The following FBN3 variants were observed in gnomAD, a reference collection of about 807,000 sequenced individuals.
FBN3 encodes the protein fibrillin-3.
FBN3 carries 234 observed loss-of-function variants against 330.1 expected under a neutral mutation model. That is an observed-to-expected ratio of 0.71 (90% CI 0.64 to 0.79). FBN3 has a LOEUF of 0.79. FBN3 is among the 30% of genes least tolerant of loss of function. The pLI, the probability that FBN3 is intolerant of heterozygous loss-of-function variation, is 0.00. For synonymous variants in FBN3, 1,458 were observed against 1,517.3 expected, an observed-to-expected ratio of 0.96 and a Z score of 0.91; for missense variants, 3,606 against 3,886.9, an observed-to-expected ratio of 0.93 and a Z score of 1.92.
rs987361284 is a variant in FBN3, at chr19:8,129,845, C to A, written c.2045-480G>T. Among the ~76,000 whole-genome samples the A allele has an allele frequency of 2.6e-5, 4 of 151,752 alleles. No homozygotes were observed. Among genetic ancestry groups the A allele is most frequent in the African/African-American group, 9.7e-5 (4 of 41,298 alleles). On this transcript the variant is annotated intron_variant, in intron 16 of 63. Coordinates refer to ENST00000600128, the MANE Select transcript of FBN3 (RefSeq NM_032447.5). This position sits in a 1 kb window ranked among gnomAD's most constrained non-coding sequence, Gnocchi z 4.5. Reference sequence around the variant, plus strand: ...GGCTGAGGTGGGAGGATTGCTTGAGCCCAGGAGTTTGAGACCAGCCTGGGC... The same window carrying A: ...GGCTGAGGTGGGAGGATTGCTTGAGACCAGGAGTTTGAGACCAGCCTGGGC...
intron 7 of FBN3, 34 bp from the exon 8 acceptor site, chr19:8,141,876 G>A (rs771371992): frequency 5.0e-6 from 8 of 1,612,654 alleles, no homozygotes; most frequent in African/African-American, 1.3e-5. Context: ...GGAGTGAGAG[G>A]CCCATCGGAG....
Position 8,096,598 on chromosome 19 carries a change from A to G in FBN3, c.5414-29T>C, listed in dbSNP as rs1568388057. On this transcript the variant is annotated intron_variant, in intron 43 of 63. Coordinates refer to ENST00000600128, the MANE Select transcript of FBN3 (RefSeq NM_032447.5). This position sits in a 1 kb window ranked among gnomAD's most constrained non-coding sequence, Gnocchi z 4.6. ...GGGGTGCAGAGAGCATGGTGTTCCC[A>G]GGGCTCCTACCACAGTGTTTGCCTG... 6.3e-7 allele frequency: 1 copy of G among 1,588,530 alleles called. No individual in the cohort carries two copies. Among genetic ancestry groups the G allele is most frequent in the African/African-American group, 1.3e-5 (1 of 74,736 alleles).
At chr19:8,094,650 G>C in intron 46 of FBN3, 85 bp from the exon 47 acceptor site, 1 of 1,474,938 alleles carries the variant, frequency 6.8e-7, no homozygotes, top group Non-Finnish European at 9.2e-7. Flanking sequence ...TGCAATCACT[G>C]TGTGATCACT....
intron 13 of FBN3, 25 bp downstream of exon 13, chr19:8,135,936 G>GTGCCCCCCCC: frequency 1.5e-6 from 1 of 668,778 alleles, no homozygotes; most frequent in Non-Finnish European, 2.4e-6. Flanking sequence ...GGAAGCCCCT[G>GTGCCCCCCCC]CCCACCCGCC....
chr19:8,111,112 G>T lies in FBN3; in HGVS notation c.4156C>A (p.Arg1386Ser). 6.2e-7 allele frequency: 1 copy of T among 1,613,592 alleles called. No individual in the cohort carries two copies. Among genetic ancestry groups the T allele is most frequent in the Non-Finnish European group, 8.5e-7 (1 of 1,179,724 alleles). The change falls in exon 33 of 64, where the codon CGC becomes AGC. Residue 1386 changes from arginine (R) to serine (S), a missense_variant. By Grantham distance (110) the Arg-to-Ser change is moderately radical (BLOSUM62 -1). Transcript: ENST00000600128. ...GQCLNAPGGY[R>S]CECEMGFDPT... Reference sequence around the variant, plus strand: ...TCAAAGCCCATCTCACATTCACAGCGGTACCCGCCGGGCGCATTGAGGCAC... The same window carrying T: ...TCAAAGCCCATCTCACATTCACAGCTGTACCCGCCGGGCGCATTGAGGCAC...
At chr19:8,127,061 T>TGG (rs2083010766) in intron 18 of FBN3, among the ~76,000 whole-genome samples, 2 of 73,582 alleles carry the variant, frequency 2.7e-5, no homozygotes, top group African/African-American at 3.5e-5. Context: ...TTTTTTTTGT[T>TGG]TTTTTTTTTT....
At chr19:8,072,478 AG>A (rs1293188278) in intron 62 of FBN3, among the ~76,000 whole-genome samples, 5 of 152,120 alleles carry the variant, frequency 3.3e-5, no homozygotes, top group African/African-American at 1.2e-4. Flanking sequence ...GAGCATACCC[AG>A]GGGCATGTGC....
At chr19:8,136,630 G>T in intron 10 of FBN3, 99 bp from the exon 11 acceptor site, 2 of 1,496,868 alleles carry the variant, frequency 1.3e-6, no homozygotes, top group Non-Finnish European at 1.8e-6. Context: ...CCCCTCTAAG[G>T]CTGGGACCCT....
In FBN3 at chr19:8,129,517, CGAGGTTTCT is replaced by C; in HGVS notation, c.2045-161_2045-153del. 9.8e-7 allele frequency: 1 copy of C among 1,023,852 alleles called. No individual in the cohort carries two copies. Among genetic ancestry groups the C allele is most frequent in the Non-Finnish European group, 1.4e-6 (1 of 712,394 alleles). 63.4% of individuals were successfully genotyped at this position (1,023,852 alleles called of 1,614,324 possible). On this transcript the variant is annotated intron_variant, in intron 16 of 63. Coordinates refer to ENST00000600128, the MANE Select transcript of FBN3 (RefSeq NM_032447.5). The surrounding 1 kb of genome is among the most constrained non-coding windows in gnomAD (Gnocchi z 4.5). ...GACCCGGCCTCATTCTGCTCTAAAC[CGAGGTTTCT>C]CAGCCTGGACACTGCTGACATTTGG...
intron 2 of FBN3, 39 bp from the exon 3 acceptor site, chr19:8,147,225 C>A (rs754098141): frequency 1.9e-6 from 3 of 1,557,510 alleles, no homozygotes; most frequent in Non-Finnish European, 1.7e-6. Context: ...AGCCCCTGCC[C>A]GTGTGGACAT....
At chr19:8,123,417 C>G (rs377459105) in intron 24 of FBN3, 47 bp downstream of exon 24, 3 of 1,595,376 alleles carry the variant, frequency 1.9e-6, no homozygotes, top group East Asian at 2.3e-5. Flanking sequence ...AGGCCCCTAT[C>G]CCTGCCAAGG....
rs115944603 is a variant in FBN3, at chr19:8,146,155, C to T, written c.321G>A (p.Thr107=). ...GGCTCACCCCGCAGCTGGGAGCCAG[C>T]GTCCCATCCGCACAGGTGCACAGGT... The part of the protein sequence containing the change: ...QPNLCTCADG[T]LAPSCGVSRG... The change falls in exon 4 of 64, where the codon ACG becomes ACA. Residue 107 remains threonine (T), a synonymous_variant. Coordinates refer to ENST00000600128, the MANE Select transcript of FBN3 (RefSeq NM_032447.5). 1.1e-3 allele frequency: 1,707 copies of T among 1,601,070 alleles called. 18 individuals carry two copies. In the African/African-American group the frequency reaches 0.021, roughly 20 times the overall value.
chr19:8,109,802 C>T lies in FBN3; in HGVS notation c.4334-49G>A. 6.9e-7 allele frequency: 1 copy of T among 1,445,622 alleles called. No homozygotes were observed. Among genetic ancestry groups the T allele is most frequent in the Non-Finnish European group, 9.1e-7 (1 of 1,098,402 alleles). The allele number at this position is 1,445,622 out of a possible 1,614,324, so 89.5% of individuals were successfully genotyped here. Reference sequence around the variant, plus strand: ...CAGCAGGGAGCCCCTTCCTCGGCCCCCCTCCCTCCTAGCTTCATCCTGGGA... The same window carrying T: ...CAGCAGGGAGCCCCTTCCTCGGCCCTCCTCCCTCCTAGCTTCATCCTGGGA... On this transcript the variant is annotated intron_variant, in intron 34 of 63. Transcript: ENST00000600128. This position sits in a 1 kb window ranked among gnomAD's most constrained non-coding sequence, Gnocchi z 5.2.
chr19:8,110,998 C>T, intron 33 of FBN3, 31 bp from the exon 34 acceptor site: 1 of 1,614,168 alleles, frequency 6.2e-7, no homozygotes, highest in Admixed American at 1.7e-5. Flanking sequence ...CCTGCCCCAC[C>T]CAGAGTCTGC....
At position 8,097,417 on chromosome 19, in the gene FBN3, G is replaced by A; in HGVS notation, c.5162-3C>T. 2 of 1,582,866 alleles carry A rather than the reference G, an allele frequency of 1.3e-6. No homozygotes were observed. Among genetic ancestry groups the A allele is most frequent in the Non-Finnish European group, 1.7e-6 (2 of 1,154,628 alleles). On this transcript the variant is annotated splice_polypyrimidine_tract_variant and splice_region_variant and intron_variant, in intron 41 of 63. Transcript: ENST00000600128. ...GATCTCCCCACACTCATCAATGTCT[G>A]CAGAAGGCATCTGCCATCAGGGGCA...
chr19:8,133,820 G>A (rs1387145877), intron 13 of FBN3, among the ~76,000 whole-genome samples: 3 of 151,986 alleles, frequency 2.0e-5, no homozygotes, highest in African/African-American at 7.3e-5. Flanking sequence ...AAAAGGAAAT[G>A]GAAATAAAGT....
chr19:8,145,025 G>A (rs2083500870), intron 5 of FBN3, 53 bp from the exon 6 acceptor site: 2 of 1,473,994 alleles, frequency 1.4e-6, no homozygotes, highest in African/African-American at 1.4e-5. Context: ...AGAGAGAGCT[G>A]GGGTTCACAG....
intron 47 of FBN3, among the ~76,000 whole-genome samples, chr19:8,092,365 C>T (rs991216029): frequency 3.9e-5 from 6 of 151,954 alleles, no homozygotes; most frequent in East Asian, 2.0e-4. Flanking sequence ...CATCAGCCAA[C>T]GAGTAGATAA....
chr19:8,126,570 C>G lies in FBN3; in HGVS notation c.2452G>C (p.Glu818Gln). The G allele has an allele frequency of 6.2e-7, 1 of 1,611,482 alleles. No homozygotes were observed. Among genetic ancestry groups the G allele is most frequent in the Non-Finnish European group, 8.5e-7 (1 of 1,179,968 alleles). The change falls in exon 20 of 64, where the codon GAG (glutamate) becomes CAG (glutamine). Residue 818 changes from glutamate to glutamine, a missense_variant. Glu to Gln is a conservative substitution (Grantham distance 29). Coordinates refer to ENST00000600128, the MANE Select transcript of FBN3 (RefSeq NM_032447.5). Reference sequence around the variant, plus strand: ...TGAAGGTTCACCTCACAGCGGCTCTCCTGGATCTTCAGCCAGCAGGTGCCC... The same window carrying G: ...TGAAGGTTCACCTCACAGCGGCTCTGCTGGATCTTCAGCCAGCAGGTGCCC... Reference protein sequence around the residue: ...TKGTCWLKIQESRCEVNLQGA... With the variant: ...TKGTCWLKIQQSRCEVNLQGA...
Sources: gnomAD v4.1 joint callset for allele counts (sites outside exome capture counted in the v4.1 genomes callset) on GRCh38, gnomAD v4.1.1 for gene constraint, Gnocchi (gnomAD v3.1) non-coding constraint, MANE v1.5 for transcripts, NCBI Gene and HGNC (gene_info 2026-07-23, HGNC 2026-07-21) for gene names.